The following ZNF644 variants were observed in gnomAD, a reference collection of about 807,000 sequenced individuals.
ZNF644 encodes zinc finger motif enhancer binding protein 2.
ZNF644 carries 20 observed loss-of-function variants against 108.0 expected under a neutral mutation model. That is an observed-to-expected ratio of 0.19 (90% CI 0.13 to 0.27). The LOEUF is 0.27. ZNF644 is among the 10% of genes least tolerant of loss of function. The pLI, the probability that ZNF644 is intolerant of heterozygous loss-of-function variation, is 1.00. For missense variants in ZNF644, 1,338 were observed against 1,548.9 expected (o/e 0.86, Z 2.29); for synonymous variants, 542 against 539.1 (o/e 1.01, Z -0.08).
intron 2 of ZNF644, among the ~76,000 whole-genome samples, chr1:90,978,018 A>G (rs1030441648): frequency 1.3e-5 from 2 of 152,196 alleles, no homozygotes; most frequent in African/African-American, 4.8e-5. Context: ...ATTTGCTCAT[A>G]AGGTCACATG....
intron 1 of ZNF644, among the ~76,000 whole-genome samples, chr1:91,018,078 A>T (rs1660584029): frequency 6.6e-6 from 1 of 152,214 alleles, no homozygotes; most frequent in Admixed American, 6.5e-5. Context: ...CACCTTTTTC[A>T]TGGGAACTTC....
intron 2 of ZNF644, among the ~76,000 whole-genome samples, chr1:90,946,497 ATAAT>A (rs965398915): frequency 2.6e-5 from 4 of 152,174 alleles, no homozygotes; most frequent in African/African-American, 9.6e-5. Flanking sequence ...TAGTTATTAC[ATAAT>A]TAACATTTAA....
intron 4 of ZNF644, among the ~76,000 whole-genome samples, chr1:90,933,825 C>T (rs1265386225): frequency 6.6e-6 from 1 of 151,852 alleles, no homozygotes; most frequent in African/African-American, 2.4e-5. Flanking sequence ...GTAAGATAGC[C>T]CTGATTTGAA....
In ZNF644 at chr1:90,951,662, A is replaced by G. The variant is rs1169098465; in HGVS notation, c.45-10353T>C. Among the ~76,000 whole-genome samples the G allele has an allele frequency of 3.3e-5, 5 of 152,096 alleles. No individual in the cohort carries two copies. The East Asian group carries it at 7.7e-4, about 23-fold the overall frequency. Reference sequence around the variant, plus strand: ...CCACACTGCTGGCATTCTCAAATCTACTTATACTAGTTTATCCCTTCCCCC... The same window carrying G: ...CCACACTGCTGGCATTCTCAAATCTGCTTATACTAGTTTATCCCTTCCCCC... On this transcript the variant is annotated intron_variant, in intron 2 of 5. Transcript: ENST00000337393.
chr1:91,002,288 G>C (rs1266904306), intron 1 of ZNF644, among the ~76,000 whole-genome samples: 2 of 152,094 alleles, frequency 1.3e-5, no homozygotes, highest in Non-Finnish European at 2.9e-5. Context: ...ATACTACAAG[G>C]CCACAGTAAT....
At chr1:90,957,532 T>C (rs958006818) in intron 2 of ZNF644, among the ~76,000 whole-genome samples, 2 of 152,112 alleles carry the variant, frequency 1.3e-5, no homozygotes, top group South Asian at 4.1e-4. Flanking sequence ...AAACACTACA[T>C]GATCATCTCA....
At chr1:91,016,178 C>A (rs971672753) in intron 1 of ZNF644, among the ~76,000 whole-genome samples, 1 of 152,176 alleles carries the variant, frequency 6.6e-6, no homozygotes, top group African/African-American at 2.4e-5. Flanking sequence ...TTAATTCCAA[C>A]TCTGTGAAGC....
intron 5 of ZNF644, among the ~76,000 whole-genome samples, chr1:90,917,789 C>T (rs572056039): frequency 2.6e-5 from 4 of 152,362 alleles, no homozygotes; most frequent in Admixed American, 6.5e-5. Flanking sequence ...TGAGCCACCA[C>T]ACCTGGCCAA....
chr1:91,021,305 A>T (rs931664337), intron 1 of ZNF644: 1 of 152,736 alleles, frequency 6.5e-6, no homozygotes, highest in African/African-American at 2.4e-5. Context: ...ACCTAGCCGC[A>T]TAAGATCTTG....
intron 2 of ZNF644, among the ~76,000 whole-genome samples, chr1:90,947,326 G>C (rs1652620376): frequency 1.3e-5 from 2 of 152,124 alleles, no homozygotes; most frequent in African/African-American, 4.8e-5. Flanking sequence ...GCTCCAATAA[G>C]ACAAATTTAA....
chr1:90,937,509 T>C lies in ZNF644; in HGVS notation c.3664A>G (p.Lys1222Glu). 1 of 1,613,852 alleles carries C rather than the reference T, an allele frequency of 6.2e-7. No individual in the cohort carries two copies. Among genetic ancestry groups the C allele is most frequent in the East Asian group, 2.2e-5 (1 of 44,864 alleles). Residue 1222 changes from lysine to glutamate, a missense_variant, in exon 4 of 6, where the codon AAA becomes GAA. Lys to Glu is a moderately conservative substitution (Grantham distance 56). Transcript: ENST00000337393. ...CCTGAGTGCATAGTCAAGTCCATTT[T>C]TTGTGGCTGATACATCAACGGACTA... ...EDSPLMYQPQ[K>E]MDLTMHSALD...
intron 2 of ZNF644, among the ~76,000 whole-genome samples, chr1:90,950,308 A>AGGGGAGGGCAGGGCAGGG (rs1557588325): frequency 3.3e-4 from 26 of 78,784 alleles, no homozygotes; most frequent in Non-Finnish European, 5.1e-4. Context: ...AGGGGAGGGG[A>AGGGGAGGGCAGGGCAGGG]CAAAAGAAAA....
intron 2 of ZNF644, among the ~76,000 whole-genome samples, chr1:90,977,421 T>C (rs1163773823): frequency 6.6e-6 from 1 of 152,188 alleles, no homozygotes; most frequent in Non-Finnish European, 1.5e-5. Context: ...TGTTAATTGA[T>C]GGAACTGATG....
chr1:91,021,805 T>A, intron 1 of ZNF644, 185 bp downstream of exon 1: 1 of 391,394 alleles, frequency 2.6e-6, no homozygotes, highest in Non-Finnish European at 4.5e-6. Context: ...TCTTAGCCTG[T>A]GCGGCAAAAT....
chr1:91,019,510 AC>A (rs1660707862), intron 1 of ZNF644, among the ~76,000 whole-genome samples: 1 of 152,200 alleles, frequency 6.6e-6, no homozygotes, highest in African/African-American at 2.4e-5. Context: ...TGTATTTTGT[AC>A]CTGATTTTGT....
intron 1 of ZNF644, among the ~76,000 whole-genome samples, chr1:91,004,903 T>G (rs1405150989): frequency 6.6e-6 from 1 of 151,990 alleles, no homozygotes; most frequent in African/African-American, 2.4e-5. Flanking sequence ...AAGGCAGCAC[T>G]ACAGGACTAG....
chr1:90,979,519 A>G (rs1484783899), intron 2 of ZNF644, among the ~76,000 whole-genome samples: 1 of 152,168 alleles, frequency 6.6e-6, no homozygotes, highest in Non-Finnish European at 1.5e-5. Flanking sequence ...GCTACATTAC[A>G]TATCTACAAT....
chr1:90,921,880 TGAC>T (rs1449149780), intron 4 of ZNF644, among the ~76,000 whole-genome samples: 2 of 151,998 alleles, frequency 1.3e-5, no homozygotes, highest in African/African-American at 4.8e-5. Flanking sequence ...CCAATGACCA[TGAC>T]GACAACAACA....
At chr1:91,017,131 C>G in intron 1 of ZNF644, among the ~76,000 whole-genome samples, 1 of 152,058 alleles carries the variant, frequency 6.6e-6, no homozygotes, top group East Asian at 1.9e-4. Flanking sequence ...CCACACCCGG[C>G]CTATATAAAG....
Sources: gnomAD v4.1 joint callset for allele counts (sites outside exome capture counted in the v4.1 genomes callset) on GRCh38, gnomAD v4.1.1 for gene constraint, MANE v1.5 for transcripts, NCBI Gene and HGNC (gene_info 2026-07-23, HGNC 2026-07-21) for gene names.